The following ZNF57 variants were observed in gnomAD, a reference collection of about 807,000 sequenced individuals.
ZNF57 encodes zinc finger protein 57.
Under a neutral mutation model 13.4 loss-of-function variants are expected in ZNF57, and 11 were observed. The ratio of observed to expected loss-of-function variants is 0.82; its 90% confidence interval spans 0.52 to 1.36. ZNF57 has a LOEUF of 1.36. Among genes scored for constraint, ZNF57 ranks in the 40% most tolerant of loss-of-function variants. The probability of loss-of-function intolerance (pLI) is 0.00; values close to 1 mark genes in which losing one functional copy is unlikely to be tolerated. For synonymous variants in ZNF57, 224 were observed against 238.5 expected, an observed-to-expected ratio of 0.94 and a Z score of 0.56; for missense variants, 696 against 667.5, an observed-to-expected ratio of 1.04 and a Z score of -0.47.
Position 2,917,411 on chromosome 19 carries a change from C to G in ZNF57, c.790C>G (p.Pro264Ala). ...GGAATGTGGGAGAGCCTTCATTTAT[C>G]CCTCGACATTTCAAAGACACATGAC... ...CQECGRAFIY[P>A]STFQRHMTTH... The change falls in exon 4 of 4, where the codon CCC (proline) becomes GCC (alanine). Residue 264 changes from proline (P) to alanine (A), a missense_variant. This residue lies in a region of ZNF57 where 645 missense variants were observed against 591.5 expected (regional missense o/e 1.09). Coordinates refer to ENST00000306908, the MANE Select transcript of ZNF57 (RefSeq NM_173480.3). 6.2e-7 allele frequency: 1 copy of G among 1,614,158 alleles called. No homozygotes were observed. Among genetic ancestry groups the G allele is most frequent in the Non-Finnish European group, 8.5e-7 (1 of 1,180,038 alleles).
intron 3 of ZNF57, 29 bp downstream of exon 3, chr19:2,916,278 T>C (rs1180624183): frequency 1.3e-6 from 2 of 1,556,404 alleles, no homozygotes; most frequent in Non-Finnish European, 8.7e-7. Flanking sequence ...AGAAAAATCC[T>C]TGTATGCAAT....
At chr19:2,912,296 G>A (rs920855851) in intron 1 of ZNF57, 1 of 152,218 alleles carries the variant, frequency 6.6e-6, no homozygotes, top group Non-Finnish European at 1.5e-5. Context: ...CAACAGGTGA[G>A]GCTCTGATCA....
chr19:2,913,995 C>T (rs1218806573), intron 1 of ZNF57, among the ~76,000 whole-genome samples: 1 of 152,130 alleles, frequency 6.6e-6, no homozygotes, highest in East Asian at 1.9e-4. Context: ...TATGGCCTAG[C>T]AAAGGGTCTC....
intron 1 of ZNF57, among the ~76,000 whole-genome samples, chr19:2,901,517 A>ATT (rs1318038007): frequency 2.4e-5 from 1 of 41,706 alleles, no homozygotes; most frequent in South Asian, 7.8e-4. Flanking sequence ...TATTGGTTTT[A>ATT]TTTTTTTATT....
At chr19:2,914,644 A>T (rs2088172382) in intron 1 of ZNF57, among the ~76,000 whole-genome samples, 1 of 152,106 alleles carries the variant, frequency 6.6e-6, no homozygotes, top group Non-Finnish European at 1.5e-5. Context: ...GGGTTACTGT[A>T]TTGTCAATGC....
In ZNF57 at chr19:2,915,797, A is replaced by G. The variant is rs1235584123; in HGVS notation, c.130+149A>G. On this transcript the variant is annotated intron_variant, in intron 2 of 3. Transcript: ENST00000306908. Reference sequence around the variant, plus strand: ...TAGAATCTAGTCATTATTCCCTAACAGTGAAAACATGTGTGAAACAGATGT... The same window carrying G: ...TAGAATCTAGTCATTATTCCCTAACGGTGAAAACATGTGTGAAACAGATGT... 2.3e-6 allele frequency: 3 copies of G among 1,294,714 alleles called. No homozygotes were observed. In the East Asian group the frequency reaches 7.2e-5, roughly 31 times the overall value. The allele number at this position is 1,294,714 out of a possible 1,614,324, so 80.2% of individuals were successfully genotyped here.
chr19:2,905,415 C>CA lies in ZNF57; in HGVS notation c.3+4367_3+4368insA, dbSNP rs1555677396. Reference sequence around the variant, plus strand: ...CTTGACTTCAGGTGATCGCCCCCCCCCCCTCGGCATTCCAAAGTATTTGCA... The same window carrying CA: ...CTTGACTTCAGGTGATCGCCCCCCCCACCCTCGGCATTCCAAAGTATTTGCA... On this transcript the variant is annotated intron_variant, in intron 1 of 3. Coordinates refer to ENST00000306908, the MANE Select transcript of ZNF57 (RefSeq NM_173480.3). Among the ~76,000 whole-genome samples, 2 of 71,808 alleles carry CA rather than the reference C, an allele frequency of 2.8e-5. 1 individual carries two copies. The highest frequency in any genetic ancestry group is 8.0e-5 in the Non-Finnish European group (2 of 24,886). The allele number at this position is 71,808 out of a possible 152,430, so 47.1% of individuals were successfully genotyped here.
intron 1 of ZNF57, among the ~76,000 whole-genome samples, chr19:2,910,643 G>A: frequency 8.9e-6 from 1 of 112,460 alleles, no homozygotes; most frequent in Non-Finnish European, 1.9e-5. Flanking sequence ...TGTATTTTTA[G>A]TAGAGACAGG....
chr19:2,904,369 T>A (rs2088055599), intron 1 of ZNF57, among the ~76,000 whole-genome samples: 1 of 152,144 alleles, frequency 6.6e-6, no homozygotes, highest in Non-Finnish European at 1.5e-5. Context: ...AGAGACAAGG[T>A]CTTGTTCTAT....
At chr19:2,913,837 C>T (rs2088163258) in intron 1 of ZNF57, among the ~76,000 whole-genome samples, 1 of 152,212 alleles carries the variant, frequency 6.6e-6, no homozygotes, top group Admixed American at 6.5e-5. Flanking sequence ...GACAGGGTCT[C>T]ACTATGTTGC....
At position 2,917,126 on chromosome 19, in the gene ZNF57, C is replaced by T; in HGVS notation, c.505C>T (p.Pro169Ser). ...VKSHCGRKAPPGEECKQACIC... is the reference protein window; with the variant it reads ...VKSHCGRKAPSGEECKQACIC... Reference sequence around the variant, plus strand: ...GTCTCACTGTGGACGAAAAGCACCTCCAGGTGAGGAATGTAAGCAGGCCTG... The same window carrying T: ...GTCTCACTGTGGACGAAAAGCACCTTCAGGTGAGGAATGTAAGCAGGCCTG... Residue 169 changes from proline to serine, a missense_variant, in exon 4 of 4, where the codon CCA (proline) becomes TCA (serine). Physicochemically the swap from Pro to Ser is moderately conservative, Grantham distance 74. Around this residue, in one of 3 missense-constraint regions of ZNF57, gnomAD observed 645 missense variants for 591.5 expected, o/e 1.09. Coordinates refer to ENST00000306908, the MANE Select transcript of ZNF57 (RefSeq NM_173480.3). The T allele has an allele frequency of 1.2e-6, 2 of 1,614,064 alleles. No homozygotes were observed. The highest frequency in any genetic ancestry group is 1.7e-6 in the Non-Finnish European group (2 of 1,179,922).
At chr19:2,914,469 G>A (rs962710520) in intron 1 of ZNF57, among the ~76,000 whole-genome samples, 9 of 152,084 alleles carry the variant, frequency 5.9e-5, no homozygotes, top group African/African-American at 1.9e-4. Flanking sequence ...TGGTCAGGCT[G>A]GTCTCAAACT....
Position 2,918,380 on chromosome 19 carries a change from T to G in ZNF57, c.*91T>G. ...CACACCAGGAGAGAAATCTTACAAG[T>G]ATGATATTGTCTTTGTCAATACCTC... is the stretch of plus-strand genomic sequence containing the variant. On this transcript the variant is annotated 3_prime_UTR_variant, in exon 4 of 4. Transcript: ENST00000306908. 5.1e-6 allele frequency: 7 copies of G among 1,381,900 alleles called. No individual in the cohort carries two copies. Among genetic ancestry groups the G allele is most frequent in the Non-Finnish European group, 6.8e-6 (7 of 1,023,802 alleles). 85.6% of individuals were successfully genotyped at this position (1,381,900 alleles called of 1,614,324 possible). A position where few individuals can be genotyped will look rare whatever the true frequency, so the allele number is the denominator to read the frequency against.
chr19:2,903,862 A>C (rs1346174640), intron 1 of ZNF57, among the ~76,000 whole-genome samples: 2 of 150,834 alleles, frequency 1.3e-5, no homozygotes, highest in Non-Finnish European at 3.0e-5. Flanking sequence ...ACTACAGGCG[A>C]CCGCCACCTC....
At chr19:2,905,699 A>G (rs2088069230) in intron 1 of ZNF57, among the ~76,000 whole-genome samples, 1 of 144,352 alleles carries the variant, frequency 6.9e-6, no homozygotes, top group Non-Finnish European at 1.5e-5. Context: ...CAGGAGACGG[A>G]GGTTGCAGTG....
chr19:2,913,027 C>T (rs964507339), intron 1 of ZNF57, among the ~76,000 whole-genome samples: 5 of 152,174 alleles, frequency 3.3e-5, no homozygotes, highest in African/African-American at 1.2e-4. Flanking sequence ...GATCTCGGCT[C>T]ACTGCAACCT....
chr19:2,914,846 C>G (rs1433906164), intron 1 of ZNF57, among the ~76,000 whole-genome samples: 1 of 152,152 alleles, frequency 6.6e-6, no homozygotes, highest in Non-Finnish European at 1.5e-5. Flanking sequence ...GTAGTCATGT[C>G]CCTTTGCTTA....
In ZNF57 at chr19:2,915,569, G is replaced by A; in HGVS notation, c.51G>A (p.Glu17=). The change falls in exon 2 of 4, where the codon GAG becomes GAA. Residue 17 remains glutamate (E), a synonymous_variant. Coordinates refer to ENST00000306908, the MANE Select transcript of ZNF57 (RefSeq NM_173480.3). ...TGGCTGTGGACTTCACCCTGGAGGA[G>A]TGGGCTTTGCTGGATTCTGCTCAGA... ...EDVAVDFTLE[E]WALLDSAQRD... is the part of the protein sequence containing the mutation. The A allele has an allele frequency of 6.2e-7, 1 of 1,614,110 alleles. No individual in the cohort carries two copies. The highest frequency in any genetic ancestry group is 2.2e-5 in the East Asian group (1 of 44,872).
chr19:2,909,034 T>C (rs1017004913), intron 1 of ZNF57, among the ~76,000 whole-genome samples: 10 of 152,146 alleles, frequency 6.6e-5, no homozygotes, highest in Non-Finnish European at 1.3e-4. Context: ...CTGTTAGAGC[T>C]CCATTCCTTA....
Sources: allele counts gnomAD v4.1 joint callset (sites outside exome capture counted in the v4.1 genomes callset), GRCh38; gene constraint gnomAD v4.1.1; regional missense constraint gnomAD v4.1.1; transcripts MANE v1.5; gene names NCBI Gene and HGNC (gene_info 2026-07-23, HGNC 2026-07-21).